DDR2: variants seen among roughly 807,000 people sequenced by gnomAD.
DDR2 encodes discoidin domain-containing receptor 2.
A neutral mutation model predicts 94.9 loss-of-function variants in DDR2; 27 were observed. The observed-to-expected ratio is 0.28, with a 90% confidence interval of 0.21 to 0.39. The LOEUF (loss-of-function observed/expected upper bound fraction) is 0.39. Among genes scored for constraint, DDR2 ranks in the 10% least tolerant of loss-of-function variants. The probability of loss-of-function intolerance (pLI) is 1.00; values close to 1 mark genes in which losing one functional copy is unlikely to be tolerated. For synonymous variants in DDR2, 382 were observed against 377.2 expected (o/e 1.01, Z -0.15); for missense variants, 783 against 1,076.0 (o/e 0.73, Z 3.81).
chr1:162,732,274 A>T (rs1224879929), intron 3 of DDR2, among the ~76,000 whole-genome samples: 1 of 152,196 alleles, frequency 6.6e-6, no homozygotes, highest in Non-Finnish European at 1.5e-5. Context: ...CCCCCTGTGG[A>T]ATCCCATTGT....
chr1:162,765,181 T>C (rs1486826641), intron 9 of DDR2, among the ~76,000 whole-genome samples: 3 of 152,148 alleles, frequency 2.0e-5, no homozygotes, highest in African/African-American at 7.2e-5. Flanking sequence ...TAATTATAGC[T>C]ATGAACCATG....
intron 3 of DDR2, among the ~76,000 whole-genome samples, chr1:162,737,189 G>C (rs1485331641): frequency 7.0e-6 from 1 of 143,884 alleles, no homozygotes; most frequent in East Asian, 2.1e-4. Context: ...TTAAGTTTTA[G>C]GGTACATGTG....
chr1:162,731,975 A>T (rs911478545), intron 3 of DDR2, among the ~76,000 whole-genome samples: 1 of 152,176 alleles, frequency 6.6e-6, no homozygotes, highest in Admixed American at 6.5e-5. Flanking sequence ...TGTTGGGGAA[A>T]GGAGATACTA....
At chr1:162,703,693 G>A (rs1186492094) in intron 2 of DDR2, among the ~76,000 whole-genome samples, 1 of 152,168 alleles carries the variant, frequency 6.6e-6, no homozygotes, top group Non-Finnish European at 1.5e-5. Flanking sequence ...TCAAGGGCAG[G>A]CCAAGCAGTG....
At chr1:162,727,483 GAT>G (rs1661750418) in intron 3 of DDR2, among the ~76,000 whole-genome samples, 1 of 141,898 alleles carries the variant, frequency 7.0e-6, no homozygotes, top group Non-Finnish European at 1.5e-5. Context: ...ATGTTATATA[GAT>G]ATATCTATCT....
At chr1:162,724,911 G>T (rs1443935583) in intron 3 of DDR2, among the ~76,000 whole-genome samples, 1 of 152,170 alleles carries the variant, frequency 6.6e-6, no homozygotes, top group East Asian at 1.9e-4. Context: ...GCTCTTTCTT[G>T]CTTGTGTGTT....
At chr1:162,677,986 C>G (rs886742275) in intron 2 of DDR2, among the ~76,000 whole-genome samples, 2 of 151,860 alleles carry the variant, frequency 1.3e-5, no homozygotes, top group South Asian at 4.2e-4. Context: ...ACAAGGGAAG[C>G]CATAAAGAAT....
intron 3 of DDR2, among the ~76,000 whole-genome samples, chr1:162,730,996 G>A (rs1662022723): frequency 6.6e-6 from 1 of 152,192 alleles, no homozygotes; most frequent in Non-Finnish European, 1.5e-5. Context: ...GGCTACAGAA[G>A]TTCCCTCACC....
At chr1:162,704,611 G>A (rs1660579677) in intron 2 of DDR2, among the ~76,000 whole-genome samples, 1 of 152,196 alleles carries the variant, frequency 6.6e-6, no homozygotes, top group African/African-American at 2.4e-5. Flanking sequence ...GTTTATGGAT[G>A]GCATGTTCTC....
chr1:162,741,273 A>AATGTAATG (rs1558057675), intron 3 of DDR2, among the ~76,000 whole-genome samples: 11 of 114,324 alleles, frequency 9.6e-5, no homozygotes, highest in African/African-American at 3.5e-4. Context: ...GTAATATAAT[A>AATGTAATG]TAATATAATA....
At chr1:162,767,452 TTTA>T (rs1013081927) in intron 11 of DDR2, 93 bp downstream of exon 11, 7 of 1,534,708 alleles carry the variant, frequency 4.6e-6, no homozygotes, top group Non-Finnish European at 5.3e-6. Flanking sequence ...ATTGCAAACA[TTTA>T]TTAATGGTTG....
chr1:162,652,067 A>G (rs1558006263), intron 1 of DDR2, among the ~76,000 whole-genome samples: 1 of 152,232 alleles, frequency 6.6e-6, no homozygotes, highest in Non-Finnish European at 1.5e-5. Context: ...ACTTTGGCAT[A>G]AGACAGACTT....
intron 3 of DDR2, chr1:162,741,556 A>G: frequency 1.0e-6 from 1 of 984,942 alleles, no homozygotes; most frequent in Non-Finnish European, 1.2e-6. Context: ...CACTTTGCAA[A>G]CTGTTAAGAA....
chr1:162,754,866 G>A lies in DDR2; in HGVS notation c.417+11G>A. ...CGTCATGGGAAACAGGTAGGAAGAA[G>A]AGACATCCAGATCCTGGATGTCCAA... On this transcript the variant is annotated intron_variant, in intron 5 of 17. Transcript: ENST00000367921. 3 of 1,613,812 alleles carry A rather than the reference G, an allele frequency of 1.9e-6. No individual in the cohort carries two copies. The highest frequency in any genetic ancestry group is 1.1e-5 in the South Asian group (1 of 91,026).
At chr1:162,662,036 T>G (rs1658326388) in intron 2 of DDR2, among the ~76,000 whole-genome samples, 1 of 152,212 alleles carries the variant, frequency 6.6e-6, no homozygotes, top group Non-Finnish European at 1.5e-5. Flanking sequence ...TAGGAGTGAA[T>G]TAGAGCCCCT....
rs2102138698 is a variant in DDR2 at position 162,755,779 on chromosome 1, G to A, written c.671+10G>A. The A allele has an allele frequency of 1.2e-6, 2 of 1,611,058 alleles. No homozygotes were observed. The highest frequency in any genetic ancestry group is 1.7e-6 in the Non-Finnish European group (2 of 1,177,284). The stretch of plus-strand genomic sequence containing the variant: ...GAGCTGTTGGATACAGGTAAATCCT[G>A]GGAAACTTTATTAGAATGGGAAATT... On this transcript the variant is annotated intron_variant, in intron 7 of 17. Coordinates refer to ENST00000367921, the MANE Select transcript of DDR2 (RefSeq NM_006182.4).
intron 1 of DDR2, among the ~76,000 whole-genome samples, chr1:162,647,467 A>G (rs1396246350): frequency 1.3e-5 from 2 of 152,230 alleles, no homozygotes; most frequent in Non-Finnish European, 2.9e-5. Flanking sequence ...GGGCAAGTCT[A>G]TAAAGTGAAA....
intron 1 of DDR2, among the ~76,000 whole-genome samples, chr1:162,633,511 G>C (rs1441408370): frequency 2.0e-5 from 3 of 152,218 alleles, no homozygotes; most frequent in African/African-American, 7.2e-5. Context: ...TCGCTCCACA[G>C]ATGTAAAAAA....
intron 9 of DDR2, among the ~76,000 whole-genome samples, chr1:162,764,478 T>C (rs909689728): frequency 2.0e-5 from 3 of 150,982 alleles, no homozygotes; most frequent in Admixed American, 6.6e-5. Flanking sequence ...GGGTTTGTCA[T>C]AGACAGCATC....
Sources: allele counts gnomAD v4.1 joint callset (sites outside exome capture counted in the v4.1 genomes callset), GRCh38; gene constraint gnomAD v4.1.1; transcripts MANE v1.5; gene names NCBI Gene and HGNC (gene_info 2026-07-23, HGNC 2026-07-21).